Variants in NAALADL2 observed in about 807,000 individuals in gnomAD.
The protein encoded by NAALADL2 is inactive N-acetylated-alpha-linked acidic dipeptidase-like protein 2.
Under a neutral mutation model 87.2 loss-of-function variants are expected in NAALADL2, and 76 were observed. The observed-to-expected ratio is 0.87, with a 90% confidence interval of 0.72 to 1.05. NAALADL2 has a LOEUF of 1.05. NAALADL2 is among the 50% of genes least tolerant of loss of function. The pLI is 0.00. For synonymous variants in NAALADL2, 354 were observed against 331.0 expected (o/e 1.07, Z -0.75); for missense variants, 1,089 against 945.8 (o/e 1.15, Z -1.99).
At chr3:174,870,998 C>T (rs767718116) in intron 1 of NAALADL2, among the ~76,000 whole-genome samples, 1 of 152,116 alleles carries the variant, frequency 6.6e-6, no homozygotes, top group Non-Finnish European at 1.5e-5. Context: ...TACCTACATT[C>T]CTGACACTTT....
chr3:174,772,253 A>T (rs1373872461), intron 3 of NAALADL2, among the ~76,000 whole-genome samples: 5 of 152,192 alleles, frequency 3.3e-5, no homozygotes, highest in Non-Finnish European at 7.3e-5. Context: ...GACTTAGAAA[A>T]TAAAAATATG....
At chr3:175,037,391 T>C (rs965506060) in intron 1 of NAALADL2, among the ~76,000 whole-genome samples, 1 of 151,978 alleles carries the variant, frequency 6.6e-6, no homozygotes, top group Non-Finnish European at 1.5e-5. Flanking sequence ...AGATGAGAAA[T>C]TGCCTCATGA....
Position 174,504,057 on chromosome 3 carries a change from A to G in NAALADL2, c.-183-46512A>G, listed in dbSNP as rs1719059919. Among the ~76,000 whole-genome samples, 8 of 152,140 alleles carry G rather than the reference A, an allele frequency of 5.3e-5. 1 individual carries two copies. The highest frequency in any genetic ancestry group is 5.2e-4 in the Admixed American group (8 of 15,280). On this transcript the variant is annotated intron_variant, in intron 1 of 3. Coordinates refer to the NAALADL2 transcript ENST00000434257. ...AAAATGTTACTATAAGCTGTTCTAC[A>G]AAAGCATATGATCTGTTAAATTCTC...
At chr3:175,629,450 T>G (rs1727464301) in intron 11 of NAALADL2, among the ~76,000 whole-genome samples, 1 of 151,222 alleles carries the variant, frequency 6.6e-6, no homozygotes, top group Admixed American at 6.6e-5. Flanking sequence ...ACTCAGAGTC[T>G]ACATTTATTT....
intron 2 of NAALADL2, among the ~76,000 whole-genome samples, chr3:175,177,733 T>G (rs1471269592): frequency 2.0e-5 from 3 of 152,116 alleles, no homozygotes. Flanking sequence ...AATATTTTCA[T>G]GTATGCACGT....
At position 175,455,000 on chromosome 3, in the gene NAALADL2, G is replaced by A. The variant is rs7610967; in HGVS notation, c.1234+7628G>A. On this transcript the variant is annotated intron_variant, in intron 6 of 13. Coordinates refer to ENST00000454872, the MANE Select transcript of NAALADL2 (RefSeq NM_207015.3). ...ACAGAAAAGGGATACCATTGCTACT[G>A]CCTCTAAACCAGGTCTAGTAATTGC... Among the ~76,000 whole-genome samples the A allele has an allele frequency of 9.0e-3, 1,374 of 152,208 alleles. 14 individuals carry two copies. The highest frequency in any genetic ancestry group is 0.014 in the Non-Finnish European group (951 of 67,984).
chr3:174,478,057 G>A (rs1042755800), intron 1 of NAALADL2, among the ~76,000 whole-genome samples: 5 of 152,030 alleles, frequency 3.3e-5, no homozygotes, highest in Non-Finnish European at 5.9e-5. Context: ...GGTTTTTTAA[G>A]GTAACATATG....
chr3:175,772,605 C>T lies in NAALADL2; in HGVS notation c.2189+17187C>T, dbSNP rs145072204. Among the ~76,000 whole-genome samples the T allele has an allele frequency of 4.7e-3, 721 of 152,228 alleles. 4 individuals carry two copies. Among genetic ancestry groups the T allele is most frequent in the Non-Finnish European group, 6.0e-3 (407 of 68,004 alleles). On this transcript the variant is annotated intron_variant, in intron 13 of 13. Coordinates refer to ENST00000454872, the MANE Select transcript of NAALADL2 (RefSeq NM_207015.3). Reference sequence around the variant, plus strand: ...TACTCATCAGAGACACCAGCGCGAGCGGACTAAAGTCCTTCCTCATAGGTC... The same window carrying T: ...TACTCATCAGAGACACCAGCGCGAGTGGACTAAAGTCCTTCCTCATAGGTC...
At chr3:175,540,668 T>A (rs971617182) in intron 9 of NAALADL2, among the ~76,000 whole-genome samples, 1 of 152,070 alleles carries the variant, frequency 6.6e-6, no homozygotes, top group Non-Finnish European at 1.5e-5. Context: ...AGGTGGCACT[T>A]CTGGGCCGGT....
chr3:175,755,114 T>C (rs1164745703), intron 12 of NAALADL2, 106 bp from the exon 13 acceptor site: 2 of 872,422 alleles, frequency 2.3e-6, no homozygotes, highest in Non-Finnish European at 3.5e-6. Flanking sequence ...TCCTCTTCCT[T>C]CTTCAGTGGT....
chr3:175,113,764 T>A (rs1223186725), intron 2 of NAALADL2, among the ~76,000 whole-genome samples: 2 of 151,572 alleles, frequency 1.3e-5, no homozygotes, highest in African/African-American at 2.4e-5. Flanking sequence ...CAATTTTTTT[T>A]ATGCTGGACA....
intron 1 of NAALADL2, among the ~76,000 whole-genome samples, chr3:175,094,755 A>G (rs56330746): frequency 0.44 from 57,851 of 131,920 alleles, 11,492 homozygotes; most frequent in Non-Finnish European, 0.47. Flanking sequence ...ACCAGACACT[A>G]TAGTGTGTGT....
At chr3:175,423,453 T>C (rs1053650186) in intron 5 of NAALADL2, among the ~76,000 whole-genome samples, 15 of 140,226 alleles carry the variant, frequency 1.1e-4, no homozygotes, top group African/African-American at 3.9e-4. Flanking sequence ...TGTGTGATGT[T>C]CCCCTTCCTG....
intron 1 of NAALADL2, among the ~76,000 whole-genome samples, chr3:174,893,481 A>G (rs563153572): frequency 6.6e-6 from 1 of 152,318 alleles, no homozygotes; most frequent in East Asian, 1.9e-4. Flanking sequence ...CAAAAATAAT[A>G]GCTACAACAA....
intron 1 of NAALADL2, among the ~76,000 whole-genome samples, chr3:174,506,013 G>A (rs1719179753): frequency 6.6e-6 from 1 of 152,180 alleles, no homozygotes; most frequent in African/African-American, 2.4e-5. Flanking sequence ...GCATGTGTGT[G>A]TCTATGTGTG....
At chr3:175,716,589 G>A (rs1179610589) in intron 11 of NAALADL2, among the ~76,000 whole-genome samples, 1 of 151,946 alleles carries the variant, frequency 6.6e-6, no homozygotes, top group Non-Finnish European at 1.5e-5. Flanking sequence ...AGTGGGAAAA[G>A]TACATGCAAA....
In NAALADL2 at chr3:175,471,732, C is replaced by A. The variant is rs1022948293; in HGVS notation, c.1627C>A (p.Pro543Thr). 9 of 1,608,314 alleles carry A rather than the reference C, an allele frequency of 5.6e-6. No individual in the cohort carries two copies. The highest frequency in any genetic ancestry group is 7.6e-6 in the Non-Finnish European group (9 of 1,177,312). The change falls in exon 9 of 14, where the codon CCA becomes ACA. Residue 543 changes from proline (P) to threonine (T), a missense_variant. By Grantham distance (38) the Pro-to-Thr change is conservative (BLOSUM62 -1). Coordinates refer to ENST00000454872, the MANE Select transcript of NAALADL2 (RefSeq NM_207015.3). The stretch of plus-strand genomic sequence containing the variant: ...CTCTAGTCTGTATCCTGTAGCATCA[C>A]CATCTCTTCAGCAACTGGTAGTAGA... Reference protein sequence around the residue: ...GNSSLYPVASPSLQQLVVEKN... With the variant: ...GNSSLYPVASTSLQQLVVEKN...
At chr3:175,307,830 A>G (rs1353726049) in intron 4 of NAALADL2, among the ~76,000 whole-genome samples, 2 of 152,188 alleles carry the variant, frequency 1.3e-5, no homozygotes, top group Non-Finnish European at 2.9e-5. Flanking sequence ...ATATTTAAAC[A>G]CCTCACAATG....
chr3:175,218,726 G>A (rs904116972), intron 2 of NAALADL2, among the ~76,000 whole-genome samples: 1 of 151,962 alleles, frequency 6.6e-6, no homozygotes, highest in African/African-American at 2.4e-5. Context: ...CTTATCCATG[G>A]TGTTGCATAT....
Sources: allele counts gnomAD v4.1 joint callset (sites outside exome capture counted in the v4.1 genomes callset), GRCh38; gene constraint gnomAD v4.1.1; transcripts MANE v1.5; gene names NCBI Gene and HGNC (gene_info 2026-07-23, HGNC 2026-07-21).